The following CMPK1 variants were observed in gnomAD, a reference collection of about 807,000 sequenced individuals.
The protein encoded by CMPK1 is cytidine/uridine monophosphate kinase 1, also known as UMP-CMP kinase.
Under a neutral mutation model 25.7 loss-of-function variants are expected in CMPK1, and 10 were observed. That is an observed-to-expected ratio of 0.39 (90% CI 0.24 to 0.66). The LOEUF is 0.66. Among genes scored for constraint, CMPK1 ranks in the 30% least tolerant of loss-of-function variants. The pLI, the probability that CMPK1 is intolerant of heterozygous loss-of-function variation, is 0.48. For missense variants in CMPK1, 199 were observed against 280.5 expected (o/e 0.71, Z 2.08); for synonymous variants, 106 against 101.5 (o/e 1.04, Z -0.27).
intron 1 of CMPK1, among the ~76,000 whole-genome samples, chr1:47,350,471 T>C (rs1646515212): frequency 6.6e-6 from 1 of 151,918 alleles, no homozygotes; most frequent in Admixed American, 6.6e-5. Flanking sequence ...AGGCTGGTCT[T>C]GAACTCTTGG....
intron 1 of CMPK1, among the ~76,000 whole-genome samples, chr1:47,344,688 G>A (rs12026822): frequency 0.11 from 16,281 of 151,594 alleles, 1,127 homozygotes; most frequent in Admixed American, 0.24. Context: ...TAGTAGAGAT[G>A]GGGTTTTACC....
chr1:47,346,488 TTTTC>T (rs1557803843), intron 1 of CMPK1, among the ~76,000 whole-genome samples: 1 of 152,004 alleles, frequency 6.6e-6, no homozygotes, highest in Non-Finnish European at 1.5e-5. Context: ...TCCCTGTCTC[TTTTC>T]TTTCTCTCTC....
chr1:47,335,022 T>TG (rs532714918), intron 1 of CMPK1, among the ~76,000 whole-genome samples: 26 of 152,090 alleles, frequency 1.7e-4, no homozygotes, highest in Admixed American at 1.4e-3. Flanking sequence ...ATTGACACTG[T>TG]GGGAAAAAAA....
intron 1 of CMPK1, among the ~76,000 whole-genome samples, chr1:47,366,264 G>C (rs1348565576): frequency 6.6e-6 from 1 of 152,118 alleles, no homozygotes; most frequent in Non-Finnish European, 1.5e-5. Context: ...AAGTTGCTAT[G>C]GTTTTGAGTG....
At chr1:47,354,289 A>G (rs186911273) in intron 1 of CMPK1, among the ~76,000 whole-genome samples, 1 of 152,326 alleles carries the variant, frequency 6.6e-6, no homozygotes, top group Non-Finnish European at 1.5e-5. Context: ...TGATTGTGCC[A>G]CTGTATTCCA....
At chr1:47,371,259 TAAAC>T (rs1195778477) in intron 2 of CMPK1, among the ~76,000 whole-genome samples, 1 of 152,150 alleles carries the variant, frequency 6.6e-6, no homozygotes, top group African/African-American at 2.4e-5. Flanking sequence ...CATTCCAAAA[TAAAC>T]AAATCTCTCT....
At chr1:47,375,370 A>AG in intron 5 of CMPK1, 77 bp downstream of exon 5, 1 of 971,118 alleles carries the variant, frequency 1.0e-6, no homozygotes, top group Non-Finnish European at 1.6e-6. Context: ...AAGCAGGAAA[A>AG]AAAGAAATAC....
At chr1:47,372,249 C>T (rs565223550) in intron 2 of CMPK1, among the ~76,000 whole-genome samples, 4 of 152,234 alleles carry the variant, frequency 2.6e-5, no homozygotes, top group Non-Finnish European at 4.4e-5. Context: ...CCAGCCACCA[C>T]GCCCAGCTAA....
chr1:47,335,639 A>G (rs1047624378), intron 1 of CMPK1, among the ~76,000 whole-genome samples: 51 of 133,674 alleles, frequency 3.8e-4, no homozygotes, highest in African/African-American at 1.6e-3. Context: ...TCCGTCTCAA[A>G]AAAAAAAAAA....
At chr1:47,356,565 A>G (rs1646562120) in intron 1 of CMPK1, among the ~76,000 whole-genome samples, 1 of 152,212 alleles carries the variant, frequency 6.6e-6, no homozygotes, top group Non-Finnish European at 1.5e-5. Context: ...ACAAATGCCA[A>G]TCAAAGTTTG....
At chr1:47,361,412 A>G (rs1190015424) in intron 1 of CMPK1, among the ~76,000 whole-genome samples, 1 of 152,130 alleles carries the variant, frequency 6.6e-6, no homozygotes, top group African/African-American at 2.4e-5. Flanking sequence ...TAAATAAAAT[A>G]AGGTGGAATT....
At chr1:47,348,477 A>G (rs1646500370) in intron 1 of CMPK1, among the ~76,000 whole-genome samples, 1 of 152,188 alleles carries the variant, frequency 6.6e-6, no homozygotes, top group Non-Finnish European at 1.5e-5. Flanking sequence ...TGACAGTTTT[A>G]TGCTGCCTGG....
At chr1:47,346,411 G>T (rs959304366) in intron 1 of CMPK1, among the ~76,000 whole-genome samples, 3 of 152,060 alleles carry the variant, frequency 2.0e-5, no homozygotes, top group South Asian at 4.1e-4. Flanking sequence ...TATGCCTGTT[G>T]TGTACTGTTT....
chr1:47,350,564 CTTAT>C (rs1646515714), intron 1 of CMPK1, among the ~76,000 whole-genome samples: 1 of 152,016 alleles, frequency 6.6e-6, no homozygotes, highest in Non-Finnish European at 1.5e-5. Context: ...TTTGGTTGCT[CTTAT>C]TTAAAGTAGA....
rs372846285 is a variant in CMPK1, at chr1:47,362,114, C to T, written c.172-6355C>T. Among the ~76,000 whole-genome samples, 6 of 150,688 alleles carry T rather than the reference C, an allele frequency of 4.0e-5. No homozygotes were observed. In the South Asian group the frequency reaches 1.3e-3, roughly 31 times the overall value. ...TGAACTCCTGACCTCAGGTGATTCG[C>T]CTGCCTTGGCCTCCCAAATTGTTGG... is the stretch of plus-strand genomic sequence containing the variant. On this transcript the variant is annotated intron_variant, in intron 1 of 5. Transcript: ENST00000371873.
At chr1:47,373,963 A>G (rs1178242689) in intron 3 of CMPK1, among the ~76,000 whole-genome samples, 3 of 152,276 alleles carry the variant, frequency 2.0e-5, no homozygotes, top group Non-Finnish European at 4.4e-5. Context: ...TTAATTAAAA[A>G]GCCTGAAGTA....
chr1:47,340,035 T>TCCCTCCCCTC (rs147355430), intron 1 of CMPK1, among the ~76,000 whole-genome samples: 2 of 111,288 alleles, frequency 1.8e-5, no homozygotes, highest in Non-Finnish European at 3.6e-5. Flanking sequence ...CCCCTTCCCT[T>TCCCTCCCCTC]CCCTCCCCTC....
chr1:47,356,945 G>A (rs1035808759), intron 1 of CMPK1, among the ~76,000 whole-genome samples: 3 of 148,462 alleles, frequency 2.0e-5, no homozygotes, highest in African/African-American at 5.0e-5. Flanking sequence ...ACAGGCATGA[G>A]CCACCGCACC....
Position 47,333,870 on chromosome 1 carries a change from C to A in CMPK1, c.-76C>A. On this transcript the variant is annotated 5_prime_UTR_variant, in exon 1 of 6. Transcript: ENST00000371873. ...GCGCCGGCTCAGCCCGCCCCTTTCT[C>A]CCGCCGCCTCCCCGCCCCGCCCCGC... 2 of 1,062,388 alleles carry A rather than the reference C, an allele frequency of 1.9e-6. No homozygotes were observed. Among genetic ancestry groups the A allele is most frequent in the Non-Finnish European group, 2.3e-6 (2 of 866,176 alleles). The allele number at this position is 1,062,388 out of a possible 1,614,324, so 65.8% of individuals were successfully genotyped here.
Sources: gnomAD v4.1 joint callset for allele counts (sites outside exome capture counted in the v4.1 genomes callset) on GRCh38, gnomAD v4.1.1 for gene constraint, MANE v1.5 for transcripts, NCBI Gene and HGNC (gene_info 2026-07-23, HGNC 2026-07-21) for gene names.